Variants in SH3RF3 observed in about 807,000 individuals in gnomAD.
SH3RF3 encodes SH3 domain containing ring finger 3, also known as E3 ubiquitin-protein ligase SH3RF3.
In SH3RF3, 29 loss-of-function variants were observed where a neutral mutation model predicts 66.3. That is an observed-to-expected ratio of 0.44 (90% CI 0.33 to 0.60). The LOEUF (loss-of-function observed/expected upper bound fraction) is 0.60. SH3RF3 is among the 20% of genes least tolerant of loss of function. SH3RF3 has a pLI of 0.04. For synonymous variants in SH3RF3, 583 were observed against 532.0 expected, an observed-to-expected ratio of 1.10 and a Z score of -1.32; for missense variants, 1,194 against 1,190.9, an observed-to-expected ratio of 1.00 and a Z score of -0.04.
intron 8 of SH3RF3, among the ~76,000 whole-genome samples, chr2:109,484,997 C>T (rs1419828206): frequency 6.6e-6 from 1 of 152,224 alleles, no homozygotes; most frequent in Non-Finnish European, 1.5e-5. Context: ...TGAGTTTTTA[C>T]CTCCCCTTCT....
intron 2 of SH3RF3, among the ~76,000 whole-genome samples, chr2:109,369,889 C>G (rs56129485): frequency 1.3e-5 from 2 of 152,208 alleles, no homozygotes; most frequent in African/African-American, 2.4e-5. Context: ...CTGTAAGTCC[C>G]GAATTGCTGC....
chr2:109,293,155 C>A (rs1681227774), intron 1 of SH3RF3, among the ~76,000 whole-genome samples: 1 of 152,220 alleles, frequency 6.6e-6, no homozygotes, highest in Non-Finnish European at 1.5e-5. Flanking sequence ...GGACAGAGCT[C>A]CGCAGGCAGT....
intron 1 of SH3RF3, among the ~76,000 whole-genome samples, chr2:109,187,075 T>C (rs1472812379): frequency 6.7e-6 from 1 of 149,958 alleles, no homozygotes; most frequent in East Asian, 2.1e-4. Context: ...CATTTAAGCA[T>C]ATTTTGCTAG....
chr2:109,207,489 A>T (rs760947029), intron 1 of SH3RF3, among the ~76,000 whole-genome samples: 2 of 152,176 alleles, frequency 1.3e-5, no homozygotes, highest in Non-Finnish European at 2.9e-5. Flanking sequence ...ATGCAGCAGA[A>T]CCATCTGCCT....
At chr2:109,270,348 C>T (rs115077259) in intron 1 of SH3RF3, among the ~76,000 whole-genome samples, 3,327 of 152,266 alleles carry the variant, frequency 0.022, 121 homozygotes, top group African/African-American at 0.074. Context: ...CATTCAGAGT[C>T]AGAAAGCTGC....
At chr2:109,279,856 C>T (rs1023442942) in intron 1 of SH3RF3, among the ~76,000 whole-genome samples, 3 of 150,792 alleles carry the variant, frequency 2.0e-5, no homozygotes, top group Non-Finnish European at 2.9e-5. Flanking sequence ...TGCCCTGTAG[C>T]GAGGCTTAGG....
intron 1 of SH3RF3, among the ~76,000 whole-genome samples, chr2:109,346,307 G>C (rs915269359): frequency 2.0e-5 from 3 of 152,152 alleles, no homozygotes; most frequent in Non-Finnish European, 4.4e-5. Flanking sequence ...TGACGTTGCT[G>C]AAACATAAAT....
intron 1 of SH3RF3, among the ~76,000 whole-genome samples, chr2:109,315,676 C>T (rs17035405): frequency 0.31 from 47,479 of 152,104 alleles, 9,199 homozygotes; most frequent in African/African-American, 0.55. Context: ...TATAAAGGGG[C>T]GAGCTCTGTC....
chr2:109,326,134 G>A (rs569473695), intron 1 of SH3RF3, among the ~76,000 whole-genome samples: 1 of 152,274 alleles, frequency 6.6e-6, no homozygotes, highest in East Asian at 1.9e-4. Flanking sequence ...GGTCTACATT[G>A]TTTATTTGAT....
intron 1 of SH3RF3, among the ~76,000 whole-genome samples, chr2:109,336,819 G>A (rs1440791996): frequency 6.6e-6 from 1 of 152,164 alleles, no homozygotes; most frequent in Non-Finnish European, 1.5e-5. Flanking sequence ...TGGAAATGGG[G>A]TGCCGAGGGA....
At chr2:109,182,174 A>G (rs1456663521) in intron 1 of SH3RF3, among the ~76,000 whole-genome samples, 2 of 152,192 alleles carry the variant, frequency 1.3e-5, no homozygotes, top group African/African-American at 2.4e-5. Context: ...TAACTTATAA[A>G]CAATAGAAGT....
Position 109,490,955 on chromosome 2 carries a change from C to T in SH3RF3, c.2480+19C>T, listed in dbSNP as rs1437735943. On this transcript the variant is annotated intron_variant, in intron 9 of 9. Coordinates refer to ENST00000309415, the MANE Select transcript of SH3RF3 (RefSeq NM_001099289.3). ...GAGAGAGGTAAGTGCAGGGGCTTGT[C>T]TGCTCTGTGGCATGCTGTGGTTTGG... 12 of 1,458,086 alleles carry T rather than the reference C, an allele frequency of 8.2e-6. No homozygotes were observed. Among genetic ancestry groups the T allele is most frequent in the Non-Finnish European group, 5.4e-6 (6 of 1,103,238 alleles). 90.3% of individuals were successfully genotyped at this position (1,458,086 alleles called of 1,614,324 possible).
At chr2:109,492,468 CA>C (rs2104387434) in intron 9 of SH3RF3, among the ~76,000 whole-genome samples, 1 of 152,268 alleles carries the variant, frequency 6.6e-6, no homozygotes, top group South Asian at 2.1e-4. Flanking sequence ...GTGTTCTGCA[CA>C]GGGGTGACGT....
chr2:109,241,080 A>G (rs978449641), intron 1 of SH3RF3, among the ~76,000 whole-genome samples: 1 of 152,234 alleles, frequency 6.6e-6, no homozygotes, highest in Non-Finnish European at 1.5e-5. Flanking sequence ...AAGTGGCCTT[A>G]GTAGTAAGCT....
chr2:109,432,454 T>A, intron 5 of SH3RF3, 47 bp from the exon 6 acceptor site: 1 of 1,605,492 alleles, frequency 6.2e-7, no homozygotes, highest in African/African-American at 1.3e-5. Flanking sequence ...CGGTCCCCTA[T>A]CCCCAGGAGG....
intron 8 of SH3RF3, among the ~76,000 whole-genome samples, chr2:109,473,932 G>T (rs959089267): frequency 5.3e-5 from 8 of 152,178 alleles, no homozygotes; most frequent in East Asian, 1.9e-4. Flanking sequence ...CTAGGGTAAT[G>T]CTGCCCTCCC....
intron 1 of SH3RF3, among the ~76,000 whole-genome samples, chr2:109,301,477 T>A (rs1244201119): frequency 6.6e-6 from 1 of 152,098 alleles, no homozygotes; most frequent in Non-Finnish European, 1.5e-5. Flanking sequence ...ATGGCAGGTG[T>A]CTGAGGATGG....
chr2:109,314,559 A>G (rs1052946968), intron 1 of SH3RF3, among the ~76,000 whole-genome samples: 10 of 152,150 alleles, frequency 6.6e-5, no homozygotes, highest in African/African-American at 2.4e-4. Context: ...ATACATTTTT[A>G]TTATTCCTGC....
chr2:109,154,435 G>A (rs1188805091), intron 1 of SH3RF3, among the ~76,000 whole-genome samples: 1 of 152,202 alleles, frequency 6.6e-6, no homozygotes, highest in Non-Finnish European at 1.5e-5. Context: ...TGAAGCTGCA[G>A]CATCATGGGC....
Sources: gnomAD v4.1 joint callset for allele counts (sites outside exome capture counted in the v4.1 genomes callset) on GRCh38, gnomAD v4.1.1 for gene constraint, MANE v1.5 for transcripts, NCBI Gene and HGNC (gene_info 2026-07-23, HGNC 2026-07-21) for gene names.